The following PLS1 variants were observed in gnomAD, a reference collection of about 807,000 sequenced individuals.
PLS1 encodes plastin 1.
PLS1 carries 32 observed loss-of-function variants against 73.7 expected under a neutral mutation model. The ratio of observed to expected loss-of-function variants is 0.43; its 90% CI spans 0.33 to 0.58. PLS1 has a LOEUF of 0.58. Ranked by LOEUF, PLS1 falls within the 20% of genes least tolerant of loss-of-function variation. The pLI, the probability that PLS1 is intolerant of heterozygous loss-of-function variation, is 0.04. For missense variants in PLS1, 633 were observed against 740.5 expected, an observed-to-expected ratio of 0.85 and a Z score of 1.68; for synonymous variants, 217 against 261.3, an observed-to-expected ratio of 0.83 and a Z score of 1.63.
chr3:142,645,730 A>G (rs1435674388), intron 1 of PLS1: 1 of 152,216 alleles, frequency 6.6e-6, no homozygotes, highest in Non-Finnish European at 1.5e-5. Context: ...TCTAATGTAT[A>G]ATTTCCTGTT....
At chr3:142,605,186 C>T (rs912783987) in intron 1 of PLS1, among the ~76,000 whole-genome samples, 4 of 152,096 alleles carry the variant, frequency 2.6e-5, no homozygotes, top group African/African-American at 7.2e-5. Context: ...GTGAAAGTAA[C>T]TAGTCAACTA....
intron 14 of PLS1, among the ~76,000 whole-genome samples, chr3:142,706,968 A>T (rs750368378): frequency 1.7e-4 from 26 of 152,098 alleles, no homozygotes; most frequent in Non-Finnish European, 3.5e-4. Context: ...GTGAAAGGAG[A>T]TACTAAAACT....
Position 142,689,795 on chromosome 3 carries a change from G to T in PLS1, c.1159G>T (p.Asp387Tyr). 1.9e-6 allele frequency: 3 copies of T among 1,586,232 alleles called. No individual in the cohort carries two copies. The highest frequency in any genetic ancestry group is 1.2e-5 in the South Asian group (1 of 86,674). ...CLHKPNNNDIDMNLLEGESKE... is the reference protein window; with the variant it reads ...CLHKPNNNDIYMNLLEGESKE... ...GCACAAGCCGAATAATAATGACATC[G>T]ATATGAATTTACTGGAAGGTGCGTT... The change falls in exon 10 of 16, where the codon GAT becomes TAT. Residue 387 changes from aspartate to tyrosine, a missense_variant. Asp to Tyr is a radical substitution (Grantham distance 160, BLOSUM62 -3). Coordinates refer to ENST00000457734, the MANE Select transcript of PLS1 (RefSeq NM_001145319.2).
At position 142,684,410 on chromosome 3, in the gene PLS1, G is replaced by A. The variant is rs201737491; in HGVS notation, c.888+15G>A. 101 of 1,602,618 alleles carry A rather than the reference G, an allele frequency of 6.3e-5. No homozygotes were observed. The African/African-American group carries it at 1.2e-3, about 19-fold the overall frequency. ...AAGACATTAAGGTTTATATTTAAATGTTCAAATTTGTGACATGAAATAAGG... is the reference window on the plus strand; with the variant it reads ...AAGACATTAAGGTTTATATTTAAATATTCAAATTTGTGACATGAAATAAGG... On this transcript the variant is annotated intron_variant, in intron 8 of 15. Transcript: ENST00000457734.
At chr3:142,608,512 C>T (rs1374572294) in intron 1 of PLS1, among the ~76,000 whole-genome samples, 1 of 152,140 alleles carries the variant, frequency 6.6e-6, no homozygotes, top group Non-Finnish European at 1.5e-5. Context: ...GGAGTAGGAA[C>T]TGAGGCTCAA....
chr3:142,704,635 A>ATTTTTTTTTTTTTTTTTTTTTTTT (rs10631186), intron 14 of PLS1, 49 bp downstream of exon 14: 1 of 248,090 alleles, frequency 4.0e-6, no homozygotes, highest in Non-Finnish European at 7.0e-6. Context: ...ATAGGAAGGA[A>ATTTTTTTTTTTTTTTTTTTTTTTT]TTTTTTTTTT....
intron 1 of PLS1, among the ~76,000 whole-genome samples, chr3:142,644,982 G>A (rs931774376): frequency 1.2e-4 from 19 of 152,108 alleles, no homozygotes; most frequent in Non-Finnish European, 2.6e-4. Flanking sequence ...CATCTTTTGC[G>A]AGTAGGAAAA....
Position 142,671,054 on chromosome 3 carries a change from G to A in PLS1, c.296G>A (p.Arg99Lys). ...ACATTCCGAAAAATAATTAACAAGAGGGAAGGGATTACTGCTATTGGAGGA... is the reference window on the plus strand; with the variant it reads ...ACATTCCGAAAAATAATTAACAAGAAGGAAGGGATTACTGCTATTGGAGGA... The part of the protein sequence containing the change: ...SKTFRKIINK[R>K]EGITAIGGTS... Residue 99 changes from arginine (R) to lysine (K), a missense_variant, in exon 4 of 16, where the codon AGG becomes AAG. By Grantham distance (26) the Arg-to-Lys change is conservative. Transcript: ENST00000457734. 1 of 1,604,032 alleles carries A rather than the reference G, an allele frequency of 6.2e-7. No homozygotes were observed. The highest frequency in any genetic ancestry group is 8.5e-7 in the Non-Finnish European group (1 of 1,171,378).
chr3:142,681,676 T>A (rs2037860458), intron 6 of PLS1, among the ~76,000 whole-genome samples: 1 of 152,198 alleles, frequency 6.6e-6, no homozygotes, highest in African/African-American at 2.4e-5. Context: ...TCAGGAAGGC[T>A]GGGCATTCAG....
chr3:142,626,685 T>G (rs932352039), intron 1 of PLS1, among the ~76,000 whole-genome samples: 12 of 152,234 alleles, frequency 7.9e-5, no homozygotes, highest in African/African-American at 2.9e-4. Flanking sequence ...TTTTCTGATG[T>G]AGCTGGTAAA....
Position 142,622,793 on chromosome 3 carries a change from A to G in PLS1, c.-37+26284A>G, listed in dbSNP as rs547527673. Among the ~76,000 whole-genome samples the G allele has an allele frequency of 3.3e-5, 5 of 152,284 alleles. No homozygotes were observed. The South Asian group carries it at 1.0e-3, about 32-fold the overall frequency. On this transcript the variant is annotated intron_variant, in intron 1 of 15. Coordinates refer to ENST00000457734, the MANE Select transcript of PLS1 (RefSeq NM_001145319.2). The stretch of plus-strand genomic sequence containing the variant: ...ATGTTTTCAGTTACTATTCAAAGAT[A>G]ATTTTGGATATTTGCTTGAAATTAG...
At chr3:142,677,931 G>A in intron 5 of PLS1, 101 bp from the exon 6 acceptor site, 1 of 574,714 alleles carries the variant, frequency 1.7e-6, no homozygotes, top group Non-Finnish European at 3.1e-6. Context: ...TTAAAGTAAT[G>A]AATTGTTATT....
At chr3:142,606,836 A>G (rs1210459339) in intron 1 of PLS1, among the ~76,000 whole-genome samples, 1 of 152,156 alleles carries the variant, frequency 6.6e-6, no homozygotes, top group Non-Finnish European at 1.5e-5. Context: ...TTATGTATTC[A>G]TCCTTCAGTT....
rs553414091 is a variant in PLS1, at chr3:142,655,151, T to C, written c.-36-9051T>C. 2.0e-5 allele frequency among the ~76,000 whole-genome samples: 3 copies of C among 152,168 alleles called. No individual in the cohort carries two copies. The South Asian group carries it at 6.2e-4, about 32-fold the overall frequency. ...ATAACCAAGAATAAATTAATGTACA[T>C]GAACGGAATAATACATAAGAAATGA... On this transcript the variant is annotated intron_variant, in intron 1 of 15. Coordinates refer to ENST00000457734, the MANE Select transcript of PLS1 (RefSeq NM_001145319.2).
chr3:142,641,158 T>TTTTA (rs1553783942), intron 1 of PLS1, among the ~76,000 whole-genome samples: 3 of 136,614 alleles, frequency 2.2e-5, no homozygotes, highest in African/African-American at 6.0e-5. Context: ...CCCAGAGTGA[T>TTTTA]TATATATATA....
At chr3:142,708,786 T>C (rs562660047) in intron 14 of PLS1, among the ~76,000 whole-genome samples, 24 of 152,336 alleles carry the variant, frequency 1.6e-4, no homozygotes, top group African/African-American at 5.8e-4. Context: ...CCCTTTCCCT[T>C]TGCAAAAGTA....
At chr3:142,652,137 T>G (rs2037108024) in intron 1 of PLS1, among the ~76,000 whole-genome samples, 1 of 152,236 alleles carries the variant, frequency 6.6e-6, no homozygotes, top group African/African-American at 2.4e-5. Flanking sequence ...GAAGTCTTGC[T>G]GAGCTTGGGG....
chr3:142,708,541 C>T (rs1023834880), intron 14 of PLS1, among the ~76,000 whole-genome samples: 2 of 152,186 alleles, frequency 1.3e-5, no homozygotes, highest in African/African-American at 2.4e-5. Context: ...CCACCACGCC[C>T]GGCCTTTCCA....
At chr3:142,604,029 A>G (rs1329146461) in intron 1 of PLS1, among the ~76,000 whole-genome samples, 1 of 152,222 alleles carries the variant, frequency 6.6e-6, no homozygotes, top group Non-Finnish European at 1.5e-5. Flanking sequence ...AACACAATAC[A>G]TTAAATTGTT....
Sources: allele counts gnomAD v4.1 joint callset (sites outside exome capture counted in the v4.1 genomes callset), GRCh38; gene constraint gnomAD v4.1.1; transcripts MANE v1.5; gene names NCBI Gene and HGNC (gene_info 2026-07-23, HGNC 2026-07-21).